ASPH: variants seen among roughly 807,000 people sequenced by gnomAD.
ASPH encodes the protein aspartyl/asparaginyl beta-hydroxylase.
In ASPH, 100 loss-of-function variants were observed where a neutral mutation model predicts 118.4. That is an observed-to-expected ratio of 0.84 (90% CI 0.72 to 1.00). The LOEUF (loss-of-function observed/expected upper bound fraction) is 1.00, where lower values mean the gene tolerates loss of function less well. ASPH is among the 50% of genes least tolerant of loss of function. The probability of loss-of-function intolerance (pLI) is 0.00; values close to 1 mark genes in which losing one functional copy is unlikely to be tolerated. For missense variants in ASPH, 920 were observed against 919.5 expected, an observed-to-expected ratio of 1.00 and a Z score of -0.01; for synonymous variants, 315 against 325.6, an observed-to-expected ratio of 0.97 and a Z score of 0.35.
At chr8:61,618,229 G>A (rs943485721) in intron 14 of ASPH, among the ~76,000 whole-genome samples, 14 of 152,078 alleles carry the variant, frequency 9.2e-5, no homozygotes, top group African/African-American at 3.4e-4. Flanking sequence ...TCTTATGCAC[G>A]TTATGTACAA....
chr8:61,531,449 T>C (rs148910083), intron 21 of ASPH, among the ~76,000 whole-genome samples: 2 of 152,292 alleles, frequency 1.3e-5, no homozygotes, highest in African/African-American at 2.4e-5. Flanking sequence ...CAAGCTCTTA[T>C]ACCTGATTGA....
chr8:61,670,185 C>T (rs1821705035), intron 3 of ASPH, among the ~76,000 whole-genome samples: 1 of 150,584 alleles, frequency 6.6e-6, no homozygotes, highest in Admixed American at 6.6e-5. Context: ...AAACAGTTAA[C>T]AAGAGTCCCT....
intron 18 of ASPH, among the ~76,000 whole-genome samples, chr8:61,562,108 T>A (rs897188220): frequency 2.0e-5 from 3 of 152,114 alleles, no homozygotes; most frequent in Non-Finnish European, 2.9e-5. Context: ...ATCTTCAAAA[T>A]TCATTGGGCA....
At chr8:61,643,706 C>G (rs894208945) in intron 8 of ASPH, among the ~76,000 whole-genome samples, 1 of 152,212 alleles carries the variant, frequency 6.6e-6, no homozygotes, top group African/African-American at 2.4e-5. Context: ...CAGCACCTTA[C>G]CTACAAAGAC....
chr8:61,553,726 G>T (rs7822584), intron 19 of ASPH, among the ~76,000 whole-genome samples: 2 of 151,784 alleles, frequency 1.3e-5, no homozygotes, highest in African/African-American at 4.8e-5. Context: ...CTCACACAAG[G>T]ACTGAAATTG....
intron 13 of ASPH, chr8:61,628,323 C>CA (rs1222539731): frequency 3.6e-5 from 7 of 196,684 alleles, no homozygotes; most frequent in African/African-American, 3.4e-4. Flanking sequence ...CCAAGCCCGG[C>CA]TTTTTTTTTT....
At chr8:61,683,771 T>C in intron 2 of ASPH, 1 of 331,462 alleles carries the variant, frequency 3.0e-6, no homozygotes, top group Non-Finnish European at 5.5e-6. Context: ...ATAGTGAGAA[T>C]GAGTACTGTT....
At chr8:61,694,661 C>T (rs1375513175) in intron 1 of ASPH, among the ~76,000 whole-genome samples, 1 of 152,164 alleles carries the variant, frequency 6.6e-6, no homozygotes, top group Non-Finnish European at 1.5e-5. Context: ...CCTTTGCTAG[C>T]TCACTCTCAT....
chr8:61,559,335 T>G (rs1193677289), intron 18 of ASPH, among the ~76,000 whole-genome samples: 1 of 152,208 alleles, frequency 6.6e-6, no homozygotes, highest in Non-Finnish European at 1.5e-5. Context: ...CTATCAGTAG[T>G]TAAGTTTTTG....
rs768678252 is a variant in ASPH at position 61,659,374 on chromosome 8, T to C, written c.323-5714A>G. On this transcript the variant is annotated intron_variant, in intron 3 of 24. Coordinates refer to ENST00000379454, the MANE Select transcript of ASPH (RefSeq NM_004318.4). ...AAAAATAACCCAACAGCTTTAAGCA[T>C]AGATCATCTCCCTCTAATAGGACAC... is the stretch of plus-strand genomic sequence containing the variant. The C allele has an allele frequency of 3.9e-5, 6 of 152,140 alleles. No individual in the cohort carries two copies. In the South Asian group the frequency reaches 1.2e-3, roughly 32 times the overall value. 9.4% of individuals were successfully genotyped at this position (152,140 alleles called of 1,614,324 possible).
intron 21 of ASPH, among the ~76,000 whole-genome samples, chr8:61,536,768 A>T (rs867233636): frequency 1.2e-3 from 184 of 151,758 alleles, no homozygotes; most frequent in African/African-American, 4.2e-3. Flanking sequence ...GCTTCCTGCA[A>T]GTCTGACTTA....
chr8:61,567,586 T>C (rs1266599130), intron 16 of ASPH, among the ~76,000 whole-genome samples: 1 of 152,222 alleles, frequency 6.6e-6, no homozygotes, highest in African/African-American at 2.4e-5. Context: ...GATGGAGATG[T>C]ACGTCCTATT....
chr8:61,553,988 G>C (rs7826395), intron 19 of ASPH, among the ~76,000 whole-genome samples: 46,226 of 152,160 alleles, frequency 0.3, 9,398 homozygotes, highest in African/African-American at 0.58. Flanking sequence ...TCACTCAGGA[G>C]AGGAAGGGAG....
intron 17 of ASPH, among the ~76,000 whole-genome samples, chr8:61,566,091 T>C (rs1831590561): frequency 6.6e-6 from 1 of 152,220 alleles, no homozygotes; most frequent in Non-Finnish European, 1.5e-5. Context: ...GGTGTTCTCA[T>C]GCCTGCTAAC....
At chr8:61,507,843 A>C (rs578005373) in intron 24 of ASPH, among the ~76,000 whole-genome samples, 4 of 152,350 alleles carry the variant, frequency 2.6e-5, no homozygotes, top group African/African-American at 9.6e-5. Context: ...CCTTTGGAGA[A>C]ACAATCTTCA....
chr8:61,544,553 C>G (rs1823095914), intron 21 of ASPH, among the ~76,000 whole-genome samples: 1 of 152,194 alleles, frequency 6.6e-6, no homozygotes, highest in Non-Finnish European at 1.5e-5. Flanking sequence ...AGGCCTTCCT[C>G]TCCTGGTGCA....
Position 61,615,345 on chromosome 8 carries a change from GCAACACCTCCTGCT to G in ASPH, c.976+3619_976+3632del, listed in dbSNP as rs376897887. ...CACCATCCAAGAGGCCTATTACACA[GCAACACCTCCTGCT>G]CATTCTGTTTTCCTTTCCTGTCTTA... On this transcript the variant is annotated intron_variant, in intron 14 of 24. Coordinates refer to ENST00000379454, the MANE Select transcript of ASPH (RefSeq NM_004318.4). Among the ~76,000 whole-genome samples, 110 of 152,252 alleles carry G rather than the reference GCAACACCTCCTGCT, an allele frequency of 7.2e-4. 1 individual carries two copies. Among genetic ancestry groups the G allele is most frequent in the African/African-American group, 2.4e-3 (101 of 41,538 alleles).
In ASPH at chr8:61,550,442, T is replaced by TACACACACACACACAC. The variant is rs34577657; in HGVS notation, c.1627-2250_1627-2235dup. On this transcript the variant is annotated intron_variant, in intron 20 of 24. Coordinates refer to ENST00000379454, the MANE Select transcript of ASPH (RefSeq NM_004318.4). ...TGTATGGTTTTTATGCACATGTACA[T>TACACACACACACACAC]ACACACACACACACACACACACACA... Among the ~76,000 whole-genome samples, 416 of 147,666 alleles carry TACACACACACACACAC rather than the reference T, an allele frequency of 2.8e-3. 1 individual carries two copies. The highest frequency in any genetic ancestry group is 4.3e-3 in the Non-Finnish European group (289 of 66,672).
chr8:61,671,045 C>A (rs570275100), intron 3 of ASPH, among the ~76,000 whole-genome samples: 33 of 151,764 alleles, frequency 2.2e-4, no homozygotes, highest in Non-Finnish European at 3.8e-4. Flanking sequence ...TTTTTCCCAG[C>A]AACAATGGGA....
Sources: gnomAD v4.1 joint callset for allele counts (sites outside exome capture counted in the v4.1 genomes callset) on GRCh38, gnomAD v4.1.1 for gene constraint, MANE v1.5 for transcripts, NCBI Gene and HGNC (gene_info 2026-07-23, HGNC 2026-07-21) for gene names.